Variants in ANK3 observed in about 807,000 individuals in gnomAD.
ANK3 encodes ankyrin-3.
Under a neutral mutation model 370.9 loss-of-function variants are expected in ANK3, and 57 were observed. The observed-to-expected ratio is 0.15, with a 90% confidence interval of 0.12 to 0.19. ANK3 has a LOEUF of 0.19. Among genes scored for constraint, ANK3 ranks in the 10% least tolerant of loss-of-function variants. ANK3 has a pLI of 1.00. For missense variants in ANK3, 4,439 were observed against 5,302.1 expected, an observed-to-expected ratio of 0.84 and a Z score of 5.06; for synonymous variants, 1,929 against 1,946.3, an observed-to-expected ratio of 0.99 and a Z score of 0.23.
chr10:60,050,452 G>C (rs910100009), intron 42 of ANK3, among the ~76,000 whole-genome samples: 2 of 152,182 alleles, frequency 1.3e-5, no homozygotes, highest in Non-Finnish European at 2.9e-5. Flanking sequence ...TTGGACACCT[G>C]TGCCAACTTC....
chr10:60,502,792 AAAG>A (rs1359092934), intron 2 of ANK3, among the ~76,000 whole-genome samples: 1 of 142,440 alleles, frequency 7.0e-6, no homozygotes, highest in African/African-American at 2.6e-5. Context: ...AAGAAAGAAA[AAAG>A]AAAAGAAAGA....
chr10:60,123,485 G>C (rs1208939675), intron 25 of ANK3, among the ~76,000 whole-genome samples: 1 of 152,002 alleles, frequency 6.6e-6, no homozygotes, highest in African/African-American at 2.4e-5. Context: ...AAAGAGGCAG[G>C]GTCAAGAAAG....
intron 2 of ANK3, among the ~76,000 whole-genome samples, chr10:60,525,628 C>A (rs552482189): frequency 6.6e-6 from 1 of 152,144 alleles, no homozygotes; most frequent in Admixed American, 6.5e-5. Context: ...GGAGACACAC[C>A]AGACTTTGTC....
intron 2 of ANK3, among the ~76,000 whole-genome samples, chr10:60,460,779 A>G (rs1050837330): frequency 6.6e-6 from 1 of 152,178 alleles, no homozygotes; most frequent in Non-Finnish European, 1.5e-5. Flanking sequence ...AACTCAATGC[A>G]GACAGAACCA....
At chr10:60,081,583 G>C in intron 35 of ANK3, 1 of 396,918 alleles carries the variant, frequency 2.5e-6, no homozygotes, top group South Asian at 1.9e-5. Context: ...TCAATAGCTA[G>C]TAAGCAAATA....
At chr10:60,279,256 G>T in intron 2 of ANK3, 108 bp from the exon 3 acceptor site, 1 of 943,842 alleles carries the variant, frequency 1.1e-6, no homozygotes, top group Non-Finnish European at 1.7e-6. Context: ...ATGATCACTT[G>T]CATGTATGCT....
chr10:60,203,847 G>A (rs2096721086), intron 11 of ANK3, among the ~76,000 whole-genome samples: 2 of 152,242 alleles, frequency 1.3e-5, no homozygotes, highest in African/African-American at 4.8e-5. Context: ...GATTTAGAGT[G>A]AATAAGAAAG....
chr10:60,433,450 GGT>G (rs1177253033), intron 2 of ANK3, among the ~76,000 whole-genome samples: 2 of 152,058 alleles, frequency 1.3e-5, no homozygotes, highest in Non-Finnish European at 2.9e-5. Context: ...ATTAGCCCCA[GGT>G]GTAGTGGTGC....
chr10:60,071,199 C>A lies in ANK3; in HGVS notation c.9682G>T (p.Val3228Phe). ...LKQTTVEETA[V>F]EREMPNDVSK... is the part of the protein sequence containing the mutation. ...ACGTCATTAGGCATTTCACGCTCAA[C>A]TGCTGTTTCCTCCACTGTAGTCTGC... Residue 3228 changes from valine to phenylalanine, a missense_variant, in exon 37 of 44, where the codon GTT (valine) becomes TTT (phenylalanine). By Grantham distance (50) the Val-to-Phe change is conservative. Around this residue, in one of 13 missense-constraint regions of ANK3, gnomAD observed 1,601 missense variants for 1,731.7 expected, o/e 0.92. Coordinates refer to ENST00000280772, the MANE Select transcript of ANK3 (RefSeq NM_020987.5). 1 of 1,614,142 alleles carries A rather than the reference C, an allele frequency of 6.2e-7. No homozygotes were observed. The highest frequency in any genetic ancestry group is 8.5e-7 in the Non-Finnish European group (1 of 1,180,022).
chr10:60,156,255 A>C (rs1367809955), intron 23 of ANK3, among the ~76,000 whole-genome samples: 1 of 152,128 alleles, frequency 6.6e-6, no homozygotes, highest in Non-Finnish European at 1.5e-5. Flanking sequence ...CTTGGGTACC[A>C]GCTAAGCCAC....
At chr10:60,714,802 C>A (rs1281695033) in intron 1 of ANK3, among the ~76,000 whole-genome samples, 1 of 152,100 alleles carries the variant, frequency 6.6e-6, no homozygotes, top group Non-Finnish European at 1.5e-5. Context: ...CCAGCCTGGG[C>A]AACATGGTTG....
chr10:60,092,758 C>G (rs1029861925), intron 28 of ANK3, among the ~76,000 whole-genome samples: 2 of 152,148 alleles, frequency 1.3e-5, no homozygotes, highest in African/African-American at 4.8e-5. Flanking sequence ...TGTTTTGAAA[C>G]AGAATCTCAC....
In ANK3 at chr10:60,325,538, C is replaced by T. The variant is rs59333114; in HGVS notation, c.115-45899G>A. 5.4e-4 allele frequency among the ~76,000 whole-genome samples: 83 copies of T among 152,300 alleles called. No individual in the cohort carries two copies. The East Asian group carries it at 0.012, about 22-fold the overall frequency. Reference sequence around the variant, plus strand: ...AAACTATGAGGAGTGGATTTTCATGCTCCCCATTCCTGACACCTAAAATGA... The same window carrying T: ...AAACTATGAGGAGTGGATTTTCATGTTCCCCATTCCTGACACCTAAAATGA... On this transcript the variant is annotated intron_variant, in intron 1 of 43. Coordinates refer to ENST00000280772, the MANE Select transcript of ANK3 (RefSeq NM_020987.5).
rs963201906 is a variant in ANK3, at chr10:60,027,834, C to T, written c.*2012G>A. On this transcript the variant is annotated 3_prime_UTR_variant, in exon 44 of 44. Transcript: ENST00000280772. ...GTTGCAAATTCACAGTCAGGTTGTACAAATATAAGAAATGAGGCTGTGGCA... is the reference window on the plus strand; with the variant it reads ...GTTGCAAATTCACAGTCAGGTTGTATAAATATAAGAAATGAGGCTGTGGCA... The T allele has an allele frequency of 5.9e-5, 9 of 152,098 alleles. No individual in the cohort carries two copies. The highest frequency in any genetic ancestry group is 1.9e-4 in the African/African-American group (8 of 41,400). The allele number at this position is 152,098 out of a possible 1,614,324, so 9.4% of individuals were successfully genotyped here.
At chr10:60,245,038 G>A (rs912006149) in intron 7 of ANK3, among the ~76,000 whole-genome samples, 5 of 152,100 alleles carry the variant, frequency 3.3e-5, no homozygotes, top group African/African-American at 1.2e-4. Flanking sequence ...GCGTGGTAGC[G>A]GGCACCTGTA....
chr10:60,470,590 T>C (rs1349762522), intron 2 of ANK3, among the ~76,000 whole-genome samples: 3 of 152,080 alleles, frequency 2.0e-5, no homozygotes, highest in Non-Finnish European at 4.4e-5. Context: ...ATCAGGCTGT[T>C]GGAGGACAAT....
At chr10:60,658,927 G>GAAAGGA (rs763510355) in intron 1 of ANK3, among the ~76,000 whole-genome samples, 125 of 150,206 alleles carry the variant, frequency 8.3e-4, no homozygotes, top group African/African-American at 2.8e-3. Flanking sequence ...GAAAGGAAAG[G>GAAAGGA]AAAAAAGAAA....
chr10:60,135,525 G>A (rs1245807976), intron 24 of ANK3, among the ~76,000 whole-genome samples: 2 of 152,228 alleles, frequency 1.3e-5, no homozygotes, highest in African/African-American at 4.8e-5. Context: ...CCTTTTAGGT[G>A]TAGGGGACAA....
At position 60,401,968 on chromosome 10, in the gene ANK3, T is replaced by G. The variant is rs2063360202; in HGVS notation, c.97-122329A>C. 3.3e-5 allele frequency among the ~76,000 whole-genome samples: 5 copies of G among 152,332 alleles called. No individual in the cohort carries two copies. The South Asian group carries it at 1.0e-3, about 32-fold the overall frequency. On this transcript the variant is annotated intron_variant, in intron 2 of 43. Transcript: ENST00000373827. The stretch of plus-strand genomic sequence containing the variant: ...ATTAAACTGTATTTCTATCATCCCA[T>G]TCCCAACTCTACTTATATATTCTCT...
Sources: gnomAD v4.1 joint callset for allele counts (sites outside exome capture counted in the v4.1 genomes callset) on GRCh38, gnomAD v4.1.1 for gene constraint, gnomAD v4.1.1 regional missense constraint, MANE v1.5 for transcripts, NCBI Gene and HGNC (gene_info 2026-07-23, HGNC 2026-07-21) for gene names.